The following UGT1A5 variants were observed in gnomAD, a reference collection of about 807,000 sequenced individuals.
UGT1A5 encodes UDP glucuronosyltransferase family 1 member A5.
In UGT1A5, 29 loss-of-function variants were observed where a neutral mutation model predicts 40.3. That is an observed-to-expected ratio of 0.72 (90% CI 0.54 to 0.98). UGT1A5 has a LOEUF of 0.98. Ranked by LOEUF, UGT1A5 falls within the 50% of genes least tolerant of loss-of-function variation. The pLI is 0.00. For synonymous variants in UGT1A5, 257 were observed against 262.5 expected, an observed-to-expected ratio of 0.98 and a Z score of 0.20; for missense variants, 678 against 677.9, an observed-to-expected ratio of 1.00 and a Z score of 0.00.
In UGT1A5 at chr2:233,755,096, G is replaced by C. The variant is rs62191920; in HGVS notation, c.868-11938G>C. 1.4e-3 allele frequency: 1,898 copies of C among 1,334,450 alleles called. 9 individuals are homozygous for C. The highest frequency in any genetic ancestry group is 1.7e-3 in the Non-Finnish European group (1,703 of 992,024). 82.7% of individuals were successfully genotyped at this position (1,334,450 alleles called of 1,614,324 possible). A position where few individuals can be genotyped will look rare whatever the true frequency, so the allele number is the denominator to read the frequency against. ...GGTCATAGATATCGCGTTTCTACGC[G>C]TCCGACAACACCTCGTAGGCCTCAG... On this transcript the variant is annotated intron_variant, in intron 1 of 4. Transcript: ENST00000373414.
intron 1 of UGT1A5, among the ~76,000 whole-genome samples, chr2:233,717,043 C>A (rs2076542860): frequency 6.6e-6 from 1 of 152,158 alleles, no homozygotes; most frequent in Non-Finnish European, 1.5e-5. Context: ...ATACATGGGC[C>A]TCCGCAGGGT....
intron 1 of UGT1A5, chr2:233,761,084 G>A: frequency 6.2e-7 from 1 of 1,614,126 alleles, no homozygotes; most frequent in Non-Finnish European, 8.5e-7. Context: ...GATTACCCTA[G>A]GCCCATCATG....
intron 1 of UGT1A5, chr2:233,760,484 T>C: frequency 6.2e-7 from 1 of 1,614,248 alleles, no homozygotes; most frequent in Non-Finnish European, 8.5e-7. Flanking sequence ...GACGCCTCGT[T>C]GTACATCAGA....
Position 233,713,016 on chromosome 2 carries a change from CT to C in UGT1A5, c.26del (p.Leu9ArgfsTer57). The C allele has an allele frequency of 6.2e-7, 1 of 1,613,704 alleles. No homozygotes were observed. The highest frequency in any genetic ancestry group is 8.5e-7 in the Non-Finnish European group (1 of 1,180,022). MATGLQVP[L>X]PQLATGLLLL... ...GATGGCCACAGGACTCCAGGTTCCC[CT>C]GCCGCAGCTGGCCACAGGACTGCTG... On this transcript the variant is annotated frameshift_variant, in exon 1 of 5. Transcript: ENST00000373414. LOFTEE classifies it high-confidence loss of function.
In UGT1A5 at chr2:233,772,133, A is replaced by G. The variant is rs1203476934; in HGVS notation, c.1308-129A>G. ...GTATCTAAAAACAACAACAACAACA[A>G]TAATAGAAACAGGTTTCCTTTCCCA... On this transcript the variant is annotated intron_variant, in intron 4 of 4. Coordinates refer to ENST00000373414, the MANE Select transcript of UGT1A5 (RefSeq NM_019078.2). 1.9e-6 allele frequency: 3 copies of G among 1,545,744 alleles called. No homozygotes were observed. In the East Asian group the frequency reaches 7.3e-5, roughly 38 times the overall value.
At chr2:233,753,529 A>G (rs538276746) in intron 1 of UGT1A5, 1 of 152,278 alleles carries the variant, frequency 6.6e-6, no homozygotes, top group East Asian at 1.9e-4. Flanking sequence ...TTTTGCTCTC[A>G]TGCAAACTTT....
intron 1 of UGT1A5, chr2:233,744,072 T>C (rs1692686314): frequency 2.1e-6 from 1 of 476,432 alleles, no homozygotes; most frequent in South Asian, 2.0e-5. Context: ...TATGAGCGCC[T>C]CGCATCCCAA....
rs936564729 is a variant in UGT1A5, at chr2:233,733,619, C to T, written c.867+19761C>T. ...GTGATGGATTACATTTATTGATTTG[C>T]ATATGTTGAACCAGCCTTGCATCCC... On this transcript the variant is annotated intron_variant, in intron 1 of 4. Coordinates refer to ENST00000373414, the MANE Select transcript of UGT1A5 (RefSeq NM_019078.2). Among the ~76,000 whole-genome samples, 7 of 152,296 alleles carry T rather than the reference C, an allele frequency of 4.6e-5. No homozygotes were observed. In the Middle Eastern group the frequency reaches 0.014, roughly 296 times the overall value.
chr2:233,723,176 A>G (rs1210929183), intron 1 of UGT1A5, among the ~76,000 whole-genome samples: 2 of 134,084 alleles, frequency 1.5e-5, no homozygotes, highest in African/African-American at 5.9e-5. Context: ...TGCCCAAACC[A>G]TAGAAGGGTC....
chr2:233,751,561 A>T (rs1575707240), intron 1 of UGT1A5, among the ~76,000 whole-genome samples: 1 of 152,202 alleles, frequency 6.6e-6, no homozygotes, highest in African/African-American at 2.4e-5. Flanking sequence ...TCTCATCTCA[A>T]ATTGTAATCT....
chr2:233,729,115 T>G (rs376445258), intron 1 of UGT1A5: 49 of 1,612,840 alleles, frequency 3.0e-5, no homozygotes, highest in Non-Finnish European at 3.5e-5. Context: ...GCTGTCCGTG[T>G]CTTCTGCTGA....
In UGT1A5 at chr2:233,772,878, G is replaced by T; in HGVS notation, c.*319G>T. 3.5e-6 allele frequency: 2 copies of T among 577,672 alleles called. No individual in the cohort carries two copies. The highest frequency in any genetic ancestry group is 5.2e-5 in the East Asian group (1 of 19,352). The allele number at this position is 577,672 out of a possible 1,614,324, so 35.8% of individuals were successfully genotyped here. A position where few individuals can be genotyped will look rare whatever the true frequency, so the allele number is the denominator to read the frequency against. Reference sequence around the variant, plus strand: ...GAAACATGGCCTGTTTGGGAGTGCGGGATTCAAAGGTGGTCCCACGGCTGC... The same window carrying T: ...GAAACATGGCCTGTTTGGGAGTGCGTGATTCAAAGGTGGTCCCACGGCTGC... On this transcript the variant is annotated 3_prime_UTR_variant, in exon 5 of 5. Transcript: ENST00000373414.
intron 1 of UGT1A5, among the ~76,000 whole-genome samples, chr2:233,736,119 C>T (rs933260681): frequency 3.9e-5 from 6 of 152,336 alleles, no homozygotes; most frequent in South Asian, 2.1e-4. Context: ...CAACTTGTTT[C>T]CATTCTCCGC....
At chr2:233,760,803 GC>G (rs773292758) in intron 1 of UGT1A5, 1 of 1,613,342 alleles carries the variant, frequency 6.2e-7, no homozygotes, top group South Asian at 1.1e-5. Flanking sequence ...TATTCTTCTT[GC>G]ATGCACTGCC....
intron 1 of UGT1A5, among the ~76,000 whole-genome samples, chr2:233,750,888 T>C (rs577435588): frequency 6.6e-6 from 1 of 152,002 alleles, no homozygotes; most frequent in South Asian, 2.1e-4. Context: ...GGAGCCCTTA[T>C]AGAGAACCTC....
chr2:233,743,403 G>A (rs1209113802), intron 1 of UGT1A5: 4 of 1,297,134 alleles, frequency 3.1e-6, no homozygotes, highest in South Asian at 1.2e-5. Flanking sequence ...AGGAAGAAAG[G>A]CCCCCACTTC....
At position 233,747,957 on chromosome 2, in the gene UGT1A5, C is replaced by G. The variant is rs113780348; in HGVS notation, c.868-19077C>G. On this transcript the variant is annotated intron_variant, in intron 1 of 4. Transcript: ENST00000373414. Reference sequence around the variant, plus strand: ...GAGGGAGGTGTCAGTGGTGGATCTTCTCAGCCATGCATCTGTGTGGCTGTT... The same window carrying G: ...GAGGGAGGTGTCAGTGGTGGATCTTGTCAGCCATGCATCTGTGTGGCTGTT... 1,995 of 1,613,432 alleles carry G rather than the reference C, an allele frequency of 1.2e-3. 66 individuals carry two copies. The African/African-American group carries it at 0.02, about 16-fold the overall frequency.
intron 1 of UGT1A5, among the ~76,000 whole-genome samples, chr2:233,724,217 A>G (rs1313805950): frequency 3.1e-4 from 30 of 97,836 alleles, no homozygotes; most frequent in Admixed American, 7.0e-4. Context: ...GGGGCTCCTC[A>G]CTTCCCAGTA....
intron 1 of UGT1A5, among the ~76,000 whole-genome samples, chr2:233,748,662 A>G (rs1454000356): frequency 4.0e-5 from 6 of 151,710 alleles, no homozygotes; most frequent in Non-Finnish European, 8.8e-5. Flanking sequence ...TTCAGTTTCC[A>G]GAGAGGGATC....
Sources: allele counts gnomAD v4.1 joint callset (sites outside exome capture counted in the v4.1 genomes callset), GRCh38; gene constraint gnomAD v4.1.1; transcripts MANE v1.5; gene names NCBI Gene and HGNC (gene_info 2026-07-23, HGNC 2026-07-21).